The following SLC38A4 variants were observed in gnomAD, a reference collection of about 807,000 sequenced individuals.
The protein encoded by SLC38A4 is solute carrier family 38 member 4.
A neutral mutation model predicts 63.1 loss-of-function variants in SLC38A4; 20 were observed. That is an observed-to-expected ratio of 0.32 (90% CI 0.22 to 0.46). The LOEUF (loss-of-function observed/expected upper bound fraction) is 0.46. SLC38A4 is among the 20% of genes least tolerant of loss of function. The probability of loss-of-function intolerance (pLI) is 1.00; values close to 1 mark genes in which losing one functional copy is unlikely to be tolerated. For synonymous variants in SLC38A4, 230 were observed against 225.5 expected, an observed-to-expected ratio of 1.02 and a Z score of -0.18; for missense variants, 526 against 663.6, an observed-to-expected ratio of 0.79 and a Z score of 2.28.
intron 1 of SLC38A4, among the ~76,000 whole-genome samples, chr12:46,810,437 T>C (rs1253045167): frequency 6.6e-6 from 1 of 151,818 alleles, no homozygotes; most frequent in Non-Finnish European, 1.5e-5. Flanking sequence ...AAATACCTAA[T>C]GTAGGTGACA....
At chr12:46,820,652 C>T (rs913487995) in intron 1 of SLC38A4, among the ~76,000 whole-genome samples, 3 of 152,022 alleles carry the variant, frequency 2.0e-5, no homozygotes, top group Non-Finnish European at 4.4e-5. Context: ...GTGCAGGTAT[C>T]GCTCTGAGAT....
chr12:46,808,309 A>G (rs1261903225), intron 1 of SLC38A4, among the ~76,000 whole-genome samples: 1 of 152,012 alleles, frequency 6.6e-6, no homozygotes, highest in African/African-American at 2.4e-5. Context: ...TTTTGAGGAA[A>G]TTGCTTAGCT....
At chr12:46,794,990 G>T (rs1464688741) in intron 2 of SLC38A4, among the ~76,000 whole-genome samples, 2 of 146,520 alleles carry the variant, frequency 1.4e-5, no homozygotes, top group East Asian at 4.0e-4. Context: ...ATGGGTAAAA[G>T]AAAAAAAAAA....
chr12:46,773,996 G>A lies in SLC38A4; in HGVS notation c.1299+1053C>T, dbSNP rs576420164. On this transcript the variant is annotated intron_variant, in intron 14 of 16. Transcript: ENST00000266579. The stretch of plus-strand genomic sequence containing the variant: ...CCCTATCGTATACCTTCTGTTTATA[G>A]TTGTCTTCTGTCTTGTACCCAAGAC... 5.0e-4 allele frequency among the ~76,000 whole-genome samples: 76 copies of A among 152,106 alleles called. 1 individual carries two copies. The highest frequency in any genetic ancestry group is 7.4e-5 in the Non-Finnish European group (5 of 67,962).
At chr12:46,797,817 A>C (rs1290227474) in intron 2 of SLC38A4, among the ~76,000 whole-genome samples, 1 of 152,142 alleles carries the variant, frequency 6.6e-6, no homozygotes, top group Non-Finnish European at 1.5e-5. Context: ...TTTAAATTCA[A>C]TGTGTTCAAA....
At chr12:46,791,731 G>T (rs866510613) in intron 3 of SLC38A4, among the ~76,000 whole-genome samples, 3 of 152,278 alleles carry the variant, frequency 2.0e-5, no homozygotes, top group Middle Eastern at 3.4e-3. Flanking sequence ...ACCTGTAGTA[G>T]TGGCGTAATT....
intron 1 of SLC38A4, among the ~76,000 whole-genome samples, chr12:46,810,491 G>GT (rs1318986092): frequency 6.6e-6 from 1 of 151,306 alleles, no homozygotes; most frequent in African/African-American, 2.4e-5. Context: ...GTATACCTAT[G>GT]TAACAAAACT....
chr12:46,788,763 G>A (rs1442351628), intron 3 of SLC38A4, 145 bp from the exon 4 acceptor site: 2 of 660,760 alleles, frequency 3.0e-6, no homozygotes, highest in East Asian at 2.7e-5. Context: ...TCACACTAAC[G>A]GTCATTCCAG....
intron 1 of SLC38A4, among the ~76,000 whole-genome samples, chr12:46,810,553 T>TA (rs1365191134): frequency 2.6e-5 from 4 of 151,024 alleles, no homozygotes; most frequent in South Asian, 2.1e-4. Context: ...AAAAAATAAA[T>TA]AAATAAAATA....
intron 2 of SLC38A4, among the ~76,000 whole-genome samples, chr12:46,800,403 G>T (rs755161462): frequency 6.6e-6 from 1 of 151,850 alleles, no homozygotes; most frequent in South Asian, 2.1e-4. Flanking sequence ...TACTGAAGCC[G>T]ATCACCCCTC....
rs567315320 is a variant in SLC38A4, at chr12:46,812,179, C to T, written c.-304-8385G>A. Among the ~76,000 whole-genome samples the T allele has an allele frequency of 3.9e-5, 6 of 152,078 alleles. No homozygotes were observed. In the South Asian group the frequency reaches 1.2e-3, roughly 32 times the overall value. The stretch of plus-strand genomic sequence containing the variant: ...GTAACAGTTGAAAGACTGATATGTG[C>T]TTATTTGGATGGGTAATCTGATTTT... On this transcript the variant is annotated intron_variant, in intron 1 of 16. Transcript: ENST00000266579.
intron 13 of SLC38A4, among the ~76,000 whole-genome samples, chr12:46,776,115 A>G (rs1157641789): frequency 6.6e-6 from 1 of 152,054 alleles, no homozygotes; most frequent in African/African-American, 2.4e-5. Context: ...TCAGTAAGAA[A>G]AAAATTAAGT....
chr12:46,803,436 A>G (rs1056298954), intron 2 of SLC38A4, among the ~76,000 whole-genome samples, 167 bp downstream of exon 2: 3 of 152,092 alleles, frequency 2.0e-5, no homozygotes, highest in Non-Finnish European at 2.9e-5. Flanking sequence ...AATAATTTCA[A>G]TGTTTGACAT....
intron 7 of SLC38A4, among the ~76,000 whole-genome samples, chr12:46,782,888 A>T (rs1207682767): frequency 6.8e-6 from 1 of 147,908 alleles, no homozygotes; most frequent in Non-Finnish European, 1.5e-5. Context: ...CTTATTCTCT[A>T]CTCAAGTGTT....
At chr12:46,810,658 T>C (rs1191737829) in intron 1 of SLC38A4, among the ~76,000 whole-genome samples, 1 of 151,900 alleles carries the variant, frequency 6.6e-6, no homozygotes, top group African/African-American at 2.4e-5. Flanking sequence ...AATGTGGAAA[T>C]GTAGATAGTG....
chr12:46,820,525 G>C (rs1157221442), intron 1 of SLC38A4, among the ~76,000 whole-genome samples: 1 of 151,918 alleles, frequency 6.6e-6, no homozygotes, highest in Non-Finnish European at 1.5e-5. Context: ...TATCAAGGCT[G>C]GGTAATATTT....
upstream of SLC38A4, among the ~76,000 whole-genome samples, chr12:46,828,537 G>A (rs569018418): frequency 5.8e-4 from 88 of 152,216 alleles, no homozygotes; most frequent in African/African-American, 2.1e-3. Flanking sequence ...TGGTCAGGCT[G>A]GTCTGGAACT....
At chr12:46,788,475 T>C in intron 4 of SLC38A4, 53 bp downstream of exon 4, 1 of 1,394,606 alleles carries the variant, frequency 7.2e-7, no homozygotes, top group Non-Finnish European at 1.0e-6. Flanking sequence ...GAGACCTAGG[T>C]AGATCAGACA....
intron 1 of SLC38A4, among the ~76,000 whole-genome samples, chr12:46,822,404 C>T (rs1939568036): frequency 6.6e-6 from 1 of 152,100 alleles, no homozygotes; most frequent in Non-Finnish European, 1.5e-5. Context: ...AGTTGATAGG[C>T]ATAAAGGGAC....
Sources: allele counts gnomAD v4.1 joint callset (sites outside exome capture counted in the v4.1 genomes callset), GRCh38; gene constraint gnomAD v4.1.1; transcripts MANE v1.5; gene names NCBI Gene and HGNC (gene_info 2026-07-23, HGNC 2026-07-21).